The following PGBD4 variants were observed in gnomAD, a reference collection of about 807,000 sequenced individuals.
The protein encoded by PGBD4 is piggyBac transposable element-derived protein 4.
Under a neutral mutation model 0.3 loss-of-function variants are expected in PGBD4, and 1 was observed. The observed-to-expected ratio is 3.72, with a 90% confidence interval of 1.32 to 17.64. PGBD4 has a LOEUF of 17.64. Among genes scored for constraint, PGBD4 ranks in the 30% most tolerant of loss-of-function variants. The pLI is 0.11. For missense variants in PGBD4, 624 were observed against 719.7 expected, an observed-to-expected ratio of 0.87 and a Z score of 1.52; for synonymous variants, 253 against 267.7, an observed-to-expected ratio of 0.95 and a Z score of 0.54.
chr15:34,104,176 G>A lies in PGBD4; in HGVS notation c.1645G>A (p.Asp549Asn), dbSNP rs559941553. The change falls in exon 1 of 1, where the codon GAC (aspartate) becomes AAC (asparagine). Residue 549 changes from aspartate to asparagine, a missense_variant. By Grantham distance (23) the Asp-to-Asn change is conservative (BLOSUM62 1). Coordinates refer to ENST00000397766, the MANE Select transcript of PGBD4 (RefSeq NM_152595.5). ...CTGCAAAATTTGCTGCTCCCAATAC[G>A]ACAAGGATGGCAAGAAGATCCGGAA... The part of the protein sequence containing the change: ...GRCKICCSQY[D>N]KDGKKIRKET... 7 of 1,614,134 alleles carry A rather than the reference G, an allele frequency of 4.3e-6. No homozygotes were observed. Among genetic ancestry groups the A allele is most frequent in the South Asian group, 2.2e-5 (2 of 91,078 alleles).
rs566084234 is a variant in PGBD4, at chr15:34,102,183, G to C, written c.-349G>C. ...ACGGGAGTAAAAGATGACGAGACTG[G>C]CTTCGGGAGAAACACCATCCAGAAG... is the stretch of plus-strand genomic sequence containing the variant. On this transcript the variant is annotated 5_prime_UTR_variant, in exon 1 of 1. Transcript: ENST00000397766. The surrounding 1 kb of genome is among the most constrained non-coding windows in gnomAD (Gnocchi z 4.7). 142 of 451,866 alleles carry C rather than the reference G, an allele frequency of 3.1e-4. No individual in the cohort carries two copies. The highest frequency in any genetic ancestry group is 2.6e-3 in the African/African-American group (129 of 49,658). The allele number at this position is 451,866 out of a possible 1,614,324, so 28.0% of individuals were successfully genotyped here. A position where few individuals can be genotyped will look rare whatever the true frequency, so the allele number is the denominator to read the frequency against.
rs530635991 is a variant in PGBD4 at position 34,106,276 on chromosome 15, C to CA, written c.*1996dup. On this transcript the variant is annotated 3_prime_UTR_variant, in exon 1 of 1. Transcript: ENST00000397766. ...TGAAACCCTGTCTCTACTAAAAATACAAAAAAAAATTAGCTGGGCATAGTG... is the reference window on the plus strand; with the variant it reads ...TGAAACCCTGTCTCTACTAAAAATACAAAAAAAAAATTAGCTGGGCATAGTG... 2.9e-4 allele frequency: 44 copies of CA among 152,120 alleles called. No homozygotes were observed. The highest frequency in any genetic ancestry group is 7.8e-4 in the African/African-American group (32 of 41,240). 9.4% of individuals were successfully genotyped at this position (152,120 alleles called of 1,614,324 possible). A position where few individuals can be genotyped will look rare whatever the true frequency, so the allele number is the denominator to read the frequency against.
Position 34,105,665 on chromosome 15 carries a change from AACAC to A in PGBD4, c.*1395_*1398del, listed in dbSNP as rs56834847. The A allele has an allele frequency of 5.3e-3, 847 of 159,932 alleles. No homozygotes were observed. The highest frequency in any genetic ancestry group is 1.8e-4 in the Non-Finnish European group (12 of 67,478). 9.9% of individuals were successfully genotyped at this position (159,932 alleles called of 1,614,324 possible). The stretch of plus-strand genomic sequence containing the variant: ...ATCGGAAGGAGCAGCATTGCTCAGA[AACAC>A]ACACACACACACACACACTTGACTT... On this transcript the variant is annotated 3_prime_UTR_variant, in exon 1 of 1. Coordinates refer to ENST00000397766, the MANE Select transcript of PGBD4 (RefSeq NM_152595.5).
chr15:34,104,390 A>G lies in PGBD4; in HGVS notation c.*101A>G. The G allele has an allele frequency of 1.5e-6, 2 of 1,314,054 alleles. No individual in the cohort carries two copies. The highest frequency in any genetic ancestry group is 2.1e-6 in the Non-Finnish European group (2 of 970,926). The allele number at this position is 1,314,054 out of a possible 1,614,324, so 81.4% of individuals were successfully genotyped here. On this transcript the variant is annotated 3_prime_UTR_variant, in exon 1 of 1. Coordinates refer to ENST00000397766, the MANE Select transcript of PGBD4 (RefSeq NM_152595.5). The stretch of plus-strand genomic sequence containing the variant: ...GGCCGACCTGGGTGGATCACCTGAG[A>G]TCAGGAATTCAAGACCAGCCTGGCC...
In PGBD4 at chr15:34,103,698, C is replaced by T. The variant is rs140377945; in HGVS notation, c.1167C>T (p.Asp389=). 2.9e-5 allele frequency: 46 copies of T among 1,614,002 alleles called. No individual in the cohort carries two copies. The South Asian group carries it at 4.0e-4, about 14-fold the overall frequency. ...AACTTATGGCACTGAAATGGTGTGA[C>T]GGCAAGGAGGTGACAATGTTGTCAA... is the stretch of plus-strand genomic sequence containing the variant. The part of the protein sequence containing the change: ...CGELMALKWC[D]GKEVTMLSTF... The change falls in exon 1 of 1, where the codon GAC becomes GAT. Residue 389 remains aspartate, a synonymous_variant. Transcript: ENST00000397766. This position sits in a 1 kb window ranked among gnomAD's most constrained non-coding sequence, Gnocchi z 4.6.
At position 34,103,233 on chromosome 15, in the gene PGBD4, A is replaced by G; in HGVS notation, c.702A>G (p.Val234=). The change falls in exon 1 of 1, where the codon GTA becomes GTG. Residue 234 remains valine (V), a synonymous_variant. Transcript: ENST00000397766. This position sits in a 1 kb window ranked among gnomAD's most constrained non-coding sequence, Gnocchi z 4.6. ...QKIKPVFDFL[V]NKFSTVYTPN... ...TCAAACCTGTGTTCGACTTTCTTGT[A>G]AATAAATTTTCCACTGTATATACTC... 6.2e-6 allele frequency: 10 copies of G among 1,614,174 alleles called. No individual in the cohort carries two copies. Among genetic ancestry groups the G allele is most frequent in the Non-Finnish European group, 8.5e-6 (10 of 1,180,044 alleles).
In PGBD4 at chr15:34,103,340, G is replaced by C. The variant is rs1385297700; in HGVS notation, c.809G>C (p.Arg270Pro). The change falls in exon 1 of 1, where the codon CGA (arginine) becomes CCA (proline). Residue 270 changes from arginine (R) to proline (P), a missense_variant. By Grantham distance (103) the Arg-to-Pro change is moderately radical (BLOSUM62 -2). Transcript: ENST00000397766. This position sits in a 1 kb window ranked among gnomAD's most constrained non-coding sequence, Gnocchi z 4.6. Reference sequence around the variant, plus strand: ...ATGAAGCAGTACCTCCCGACAAAACGAGTACGATTTGGTCTGAAGCTATAT... The same window carrying C: ...ATGAAGCAGTACCTCCCGACAAAACCAGTACGATTTGGTCTGAAGCTATAT... ...LAMKQYLPTK[R>P]VRFGLKLYVL... is the part of the protein sequence containing the mutation. 6.2e-7 allele frequency: 1 copy of C among 1,614,172 alleles called. No individual in the cohort carries two copies. Among genetic ancestry groups the C allele is most frequent in the South Asian group, 1.1e-5 (1 of 91,080 alleles).
Position 34,103,227 on chromosome 15 carries a change from T to A in PGBD4, c.696T>A (p.Phe232Leu). 6.2e-7 allele frequency: 1 copy of A among 1,614,190 alleles called. No individual in the cohort carries two copies. Among genetic ancestry groups the A allele is most frequent in the South Asian group, 1.1e-5 (1 of 91,090 alleles). The change falls in exon 1 of 1, where the codon TTT becomes TTA. Residue 232 changes from phenylalanine (F) to leucine (L), a missense_variant. Transcript: ENST00000397766. This position sits in a 1 kb window ranked among gnomAD's most constrained non-coding sequence, Gnocchi z 4.6. ...SLQKIKPVFD[F>L]LVNKFSTVYT... The stretch of plus-strand genomic sequence containing the variant: ...AGAAGATCAAACCTGTGTTCGACTT[T>A]CTTGTAAATAAATTTTCCACTGTAT...
rs752721483 is a variant in PGBD4 at position 34,104,123 on chromosome 15, C to T, written c.1592C>T (p.Thr531Met). The change falls in exon 1 of 1, where the codon ACG becomes ATG. Residue 531 changes from threonine to methionine, a missense_variant. By Grantham distance (81) the Thr-to-Met change is moderately conservative (BLOSUM62 -1). Transcript: ENST00000397766. ...CATTTCCCCAAGAGCATACCAGCAA[C>T]GTCCGGGAAACAGAATCCAACTGGT... ...GRHFPKSIPA[T>M]SGKQNPTGRC... 5 of 1,614,062 alleles carry T rather than the reference C, an allele frequency of 3.1e-6. No homozygotes were observed. Among genetic ancestry groups the T allele is most frequent in the South Asian group, 1.1e-5 (1 of 91,078 alleles).
At position 34,104,598 on chromosome 15, in the gene PGBD4, A is replaced by G. The variant is rs1901244569; in HGVS notation, c.*309A>G. ...AGCCTGGGTGACATAGCGAGACTCC[A>G]TCTCAAAAAAAAGAAATAACTCCAA... On this transcript the variant is annotated 3_prime_UTR_variant, in exon 1 of 1. Transcript: ENST00000397766. 3.7e-6 allele frequency: 1 copy of G among 273,340 alleles called. No individual in the cohort carries two copies. Among genetic ancestry groups the G allele is most frequent in the East Asian group, 7.5e-5 (1 of 13,386 alleles). The allele number at this position is 273,340 out of a possible 1,614,324, so 16.9% of individuals were successfully genotyped here.
At position 34,103,210 on chromosome 15, in the gene PGBD4, A is replaced by G; in HGVS notation, c.679A>G (p.Lys227Glu). The stretch of plus-strand genomic sequence containing the variant: ...GGCCCAGATTTCATTGCAGAAGATC[A>G]AACCTGTGTTCGACTTTCTTGTAAA... ...SKAQISLQKI[K>E]PVFDFLVNKF... The change falls in exon 1 of 1, where the codon AAA becomes GAA. Residue 227 changes from lysine (K) to glutamate (E), a missense_variant. Coordinates refer to ENST00000397766, the MANE Select transcript of PGBD4 (RefSeq NM_152595.5). This position sits in a 1 kb window ranked among gnomAD's most constrained non-coding sequence, Gnocchi z 4.6. The G allele has an allele frequency of 6.2e-7, 1 of 1,614,152 alleles. No homozygotes were observed. Among genetic ancestry groups the G allele is most frequent in the South Asian group, 1.1e-5 (1 of 91,090 alleles).
In PGBD4 at chr15:34,106,214, C is replaced by G. The variant is rs909149001; in HGVS notation, c.*1925C>G. The G allele has an allele frequency of 1.2e-5, 2 of 161,844 alleles. No homozygotes were observed. Among genetic ancestry groups the G allele is most frequent in the Admixed American group, 6.6e-5 (1 of 15,252 alleles). 10.0% of individuals were successfully genotyped at this position (161,844 alleles called of 1,614,324 possible). A position where few individuals can be genotyped will look rare whatever the true frequency, so the allele number is the denominator to read the frequency against. On this transcript the variant is annotated 3_prime_UTR_variant, in exon 1 of 1. Transcript: ENST00000397766. ...TTGGAAGGCCGAGATGGGCGAATCA[C>G]AAGGTCAGGAGTTTGAGACTAGCCT...
Position 34,102,329 on chromosome 15 carries a change from C to G in PGBD4, c.-203C>G, listed in dbSNP as rs552239177. On this transcript the variant is annotated 5_prime_UTR_variant, in exon 1 of 1. Transcript: ENST00000397766. The surrounding 1 kb of genome is among the most constrained non-coding windows in gnomAD (Gnocchi z 4.7). ...AGATTACGCGCTGCTGTGCCTGCGA[C>G]TGCAGCGTTTACGCCGAGATAACTC... The G allele has an allele frequency of 7.0e-6, 5 of 717,234 alleles. No individual in the cohort carries two copies. Among genetic ancestry groups the G allele is most frequent in the Non-Finnish European group, 8.6e-6 (4 of 463,680 alleles). The allele number at this position is 717,234 out of a possible 1,614,324, so 44.4% of individuals were successfully genotyped here.
chr15:34,104,053 C>G lies in PGBD4; in HGVS notation c.1522C>G (p.Arg508Gly). The change falls in exon 1 of 1, where the codon CGT (arginine) becomes GGT (glycine). Residue 508 changes from arginine to glycine, a missense_variant. Coordinates refer to ENST00000397766, the MANE Select transcript of PGBD4 (RefSeq NM_152595.5). ...GCCAGGGCAGCAACATCTTCGAGGTCGTCCTTGCTCCGATGATGTCACACC... is the reference window on the plus strand; with the variant it reads ...GCCAGGGCAGCAACATCTTCGAGGTGGTCCTTGCTCCGATGATGTCACACC... ...HKPGQQHLRG[R>G]PCSDDVTPLR... 1 of 1,614,190 alleles carries G rather than the reference C, an allele frequency of 6.2e-7. No homozygotes were observed.
Position 34,102,849 on chromosome 15 carries a change from G to A in PGBD4, c.318G>A (p.Gln106=), listed in dbSNP as rs778132207. The A allele has an allele frequency of 3.7e-6, 6 of 1,614,164 alleles. No homozygotes were observed. The highest frequency in any genetic ancestry group is 5.1e-6 in the Non-Finnish European group (6 of 1,180,038). The change falls in exon 1 of 1, where the codon CAG becomes CAA. Residue 106 remains glutamine, a synonymous_variant. Transcript: ENST00000397766. This position sits in a 1 kb window ranked among gnomAD's most constrained non-coding sequence, Gnocchi z 4.7. Reference sequence around the variant, plus strand: ...TCAGTGATATCACTGACCCATTGCAGTATTTTGAACTGTTCTTTACTGAGG... The same window carrying A: ...TCAGTGATATCACTGACCCATTGCAATATTTTGAACTGTTCTTTACTGAGG... ...VDVSDITDPL[Q]YFELFFTEEL...
rs575282845 is a variant in PGBD4, at chr15:34,108,402, A to C, written c.*4113A>C. On this transcript the variant is annotated 3_prime_UTR_variant, in exon 1 of 1. Coordinates refer to ENST00000397766, the MANE Select transcript of PGBD4 (RefSeq NM_152595.5). ...AGTTATCATGAAGGATAAAAGCCTCAAAATCCTGATTTTGAAATACAAAGT... is the reference window on the plus strand; with the variant it reads ...AGTTATCATGAAGGATAAAAGCCTCCAAATCCTGATTTTGAAATACAAAGT... 6.6e-5 allele frequency: 10 copies of C among 152,364 alleles called. No individual in the cohort carries two copies. The highest frequency in any genetic ancestry group is 2.4e-4 in the African/African-American group (10 of 41,594). The allele number at this position is 152,364 out of a possible 1,614,324, so 9.4% of individuals were successfully genotyped here.
In PGBD4 at chr15:34,107,495, T is replaced by G. The variant is rs1887780785; in HGVS notation, c.*3206T>G. 1 of 152,240 alleles carries G rather than the reference T, an allele frequency of 6.6e-6. No individual in the cohort carries two copies. The highest frequency in any genetic ancestry group is 1.5e-5 in the Non-Finnish European group (1 of 68,040). 9.4% of individuals were successfully genotyped at this position (152,240 alleles called of 1,614,324 possible). On this transcript the variant is annotated 3_prime_UTR_variant, in exon 1 of 1. Transcript: ENST00000397766. ...CTAGATCAAAGAGTATGTGCCTTTG[T>G]AATTTTGATGATATTGTGAAATCTT...
In PGBD4 at chr15:34,103,845, T is replaced by C; in HGVS notation, c.1314T>C (p.Leu438=). ...MGAVDSADQM[L]TSYPSERKRH... Reference sequence around the variant, plus strand: ...CAGTGGACTCGGCTGATCAAATGCTTACTTCTTATCCATCTGAGCGCAAAA... The same window carrying C: ...CAGTGGACTCGGCTGATCAAATGCTCACTTCTTATCCATCTGAGCGCAAAA... The change falls in exon 1 of 1, where the codon CTT becomes CTC. Residue 438 remains leucine (L), a synonymous_variant. Coordinates refer to ENST00000397766, the MANE Select transcript of PGBD4 (RefSeq NM_152595.5). The surrounding 1 kb of genome is among the most constrained non-coding windows in gnomAD (Gnocchi z 4.6). 1.2e-6 allele frequency: 2 copies of C among 1,614,136 alleles called. No individual in the cohort carries two copies. Among genetic ancestry groups the C allele is most frequent in the Non-Finnish European group, 1.7e-6 (2 of 1,180,034 alleles).
chr15:34,106,957 T>TAAAAAA lies in PGBD4; in HGVS notation c.*2687_*2692dup, dbSNP rs60502890. ...GGGCAACATAGCCAGACCCTGTCTC[T>TAAAAAA]AAAAAAAAAAAAAAAAAAAAAAAAG... is the stretch of plus-strand genomic sequence containing the variant. On this transcript the variant is annotated 3_prime_UTR_variant, in exon 1 of 1. Transcript: ENST00000397766. The TAAAAAA allele has an allele frequency of 2.7e-5, 2 of 74,614 alleles. No individual in the cohort carries two copies. Among genetic ancestry groups the TAAAAAA allele is most frequent in the African/African-American group, 1.0e-4 (2 of 19,490 alleles). The allele number at this position is 74,614 out of a possible 1,614,324, so 4.6% of individuals were successfully genotyped here.
Sources: allele counts gnomAD v4.1 joint callset, GRCh38; gene constraint gnomAD v4.1.1; non-coding constraint Gnocchi (gnomAD v3.1); transcripts MANE v1.5; gene names NCBI Gene and HGNC (gene_info 2026-07-23, HGNC 2026-07-21).